Variants in PSTPIP1 observed in about 807,000 individuals in gnomAD.
The protein encoded by PSTPIP1 is proline-serine-threonine phosphatase-interacting protein 1.
PSTPIP1 carries 66 observed loss-of-function variants against 69.6 expected under a neutral mutation model. The observed-to-expected ratio is 0.95, with a 90% confidence interval of 0.78 to 1.16. The LOEUF (loss-of-function observed/expected upper bound fraction) is 1.16, where lower values mean the gene tolerates loss of function less well. Among genes scored for constraint, PSTPIP1 ranks in the 50% most tolerant of loss-of-function variants. The pLI is 0.00. For missense variants in PSTPIP1, 603 were observed against 557.4 expected (o/e 1.08, Z -0.82); for synonymous variants, 266 against 222.7 (o/e 1.19, Z -1.73).
intron 1 of PSTPIP1, among the ~76,000 whole-genome samples, chr15:77,017,273 C>G (rs1042078541): frequency 1.3e-5 from 2 of 152,190 alleles, no homozygotes; most frequent in African/African-American, 4.8e-5. Context: ...CCCAACTTCT[C>G]ACACCCAGCT....
chr15:77,036,158 C>T (rs916256036), intron 14 of PSTPIP1, among the ~76,000 whole-genome samples: 11 of 152,202 alleles, frequency 7.2e-5, no homozygotes, highest in South Asian at 2.1e-4. Flanking sequence ...CCAGGGCTTG[C>T]GGGGCCTCAG....
At position 77,004,540 on chromosome 15, in the gene PSTPIP1, G is replaced by A. The variant is rs151331842; in HGVS notation, c.36+8931G>A. Among the ~76,000 whole-genome samples the A allele has an allele frequency of 2.9e-3, 437 of 152,246 alleles. 1 individual carries two copies. The highest frequency in any genetic ancestry group is 3.7e-3 in the Non-Finnish European group (254 of 68,008). On this transcript the variant is annotated intron_variant, in intron 1 of 14. Coordinates refer to ENST00000558012, the MANE Select transcript of PSTPIP1 (RefSeq NM_003978.5). Reference sequence around the variant, plus strand: ...CTAGAGAGAGTGACCAAGGTGGAGAGTAGTTGGAGATAAGGTAAGAAATAG... The same window carrying A: ...CTAGAGAGAGTGACCAAGGTGGAGAATAGTTGGAGATAAGGTAAGAAATAG...
At chr15:77,008,207 G>A in intron 1 of PSTPIP1, 1 of 370,092 alleles carries the variant, frequency 2.7e-6, no homozygotes, top group Non-Finnish European at 5.5e-6. Context: ...GGGGTGTTTG[G>A]GGATATCTGT....
chr15:76,995,027 G>A, upstream of PSTPIP1: 1 of 1,190,288 alleles, frequency 8.4e-7, no homozygotes, highest in Non-Finnish European at 1.1e-6. Flanking sequence ...GCAGAGGCAG[G>A]AGCAGGATGG....
chr15:77,037,223 C>T lies in PSTPIP1; in HGVS notation c.*47C>T. The T allele has an allele frequency of 6.4e-7, 1 of 1,553,928 alleles. No individual in the cohort carries two copies. The highest frequency in any genetic ancestry group is 8.7e-7 in the Non-Finnish European group (1 of 1,150,708). ...GGACCTGCCCTGCCAGTGGAGCCAG[C>T]AGTGCCCCCAGCACTGTCCCCACCT... On this transcript the variant is annotated 3_prime_UTR_variant, in exon 15 of 15. Transcript: ENST00000558012.
intron 3 of PSTPIP1, among the ~76,000 whole-genome samples, chr15:77,019,042 C>T (rs762695285): frequency 1.3e-5 from 2 of 152,324 alleles, no homozygotes; most frequent in Non-Finnish European, 1.5e-5. Context: ...GGGAAAGTAA[C>T]GCAGCCCTCC....
chr15:77,032,410 C>G lies in PSTPIP1; in HGVS notation c.838+16C>G. 1.2e-6 allele frequency: 2 copies of G among 1,611,688 alleles called. No individual in the cohort carries two copies. Among genetic ancestry groups the G allele is most frequent in the South Asian group, 1.1e-5 (1 of 91,042 alleles). On this transcript the variant is annotated intron_variant, in intron 11 of 14. Coordinates refer to ENST00000558012, the MANE Select transcript of PSTPIP1 (RefSeq NM_003978.5). ...GAGCCCCCCGGTGAGGTCCGGCTTG[C>G]GGACAGCGCAGCCTCTAGGTGCATT...
upstream of PSTPIP1, chr15:76,994,759 C>T (rs1320372017): frequency 7.8e-7 from 1 of 1,289,022 alleles, no homozygotes; most frequent in Admixed American, 2.3e-5. Context: ...AGGGCAGGAC[C>T]TGGTTTGGGT....
At chr15:77,028,735 C>T in intron 7 of PSTPIP1, 83 bp downstream of exon 7, 5 of 1,160,300 alleles carry the variant, frequency 4.3e-6, no homozygotes, top group Non-Finnish European at 5.9e-6. Flanking sequence ...TAGACACCCC[C>T]AGGCAAGATC....
chr15:77,001,064 G>T (rs532755399), intron 1 of PSTPIP1, among the ~76,000 whole-genome samples: 11 of 152,254 alleles, frequency 7.2e-5, no homozygotes, highest in African/African-American at 2.2e-4. Context: ...GTTCATGGCT[G>T]CACAGTTCTC....
chr15:77,030,183 G>T (rs1249094507), intron 8 of PSTPIP1, among the ~76,000 whole-genome samples: 1 of 152,232 alleles, frequency 6.6e-6, no homozygotes, highest in African/African-American at 2.4e-5. Context: ...CCTCTCAGCT[G>T]CCTTCTCTGA....
At chr15:77,028,755 G>A in intron 7 of PSTPIP1, 103 bp downstream of exon 7, 1 of 1,033,350 alleles carries the variant, frequency 9.7e-7, no homozygotes, top group Non-Finnish European at 1.4e-6. Flanking sequence ...CTGCATCTGG[G>A]GATGCTGCTT....
Position 77,025,378 on chromosome 15 carries a change from T to TG in PSTPIP1, c.247+66dup. 2.5e-6 allele frequency: 4 copies of TG among 1,581,258 alleles called. No homozygotes were observed. In the South Asian group the frequency reaches 3.3e-5, roughly 13 times the overall value. ...GGGACTGCGAGGCTGGTGGAGGGTTTGGGGGGACAGAAGATGAGGTGTTGG... is the reference window on the plus strand; with the variant it reads ...GGGACTGCGAGGCTGGTGGAGGGTTTGGGGGGGACAGAAGATGAGGTGTTGG... On this transcript the variant is annotated intron_variant, in intron 4 of 14. Transcript: ENST00000558012.
At chr15:77,021,252 G>T (rs1335656434) in intron 3 of PSTPIP1, among the ~76,000 whole-genome samples, 1 of 152,210 alleles carries the variant, frequency 6.6e-6, no homozygotes, top group Non-Finnish European at 1.5e-5. Context: ...TTAACAGGAG[G>T]TTACATCTTA....
At chr15:77,019,320 C>T (rs904315413) in intron 3 of PSTPIP1, among the ~76,000 whole-genome samples, 24 of 152,208 alleles carry the variant, frequency 1.6e-4, no homozygotes, top group African/African-American at 5.5e-4. Context: ...CACCGGCCTC[C>T]AACTTCTTGA....
chr15:76,998,350 G>A (rs976578192), intron 1 of PSTPIP1, among the ~76,000 whole-genome samples: 1 of 152,162 alleles, frequency 6.6e-6, no homozygotes, highest in African/African-American at 2.4e-5. Flanking sequence ...CAGCCCTGCT[G>A]TTTCTGGCTT....
intron 12 of PSTPIP1, among the ~76,000 whole-genome samples, chr15:77,034,981 G>A (rs1274738747): frequency 1.3e-5 from 2 of 152,274 alleles, no homozygotes; most frequent in Admixed American, 6.5e-5. Context: ...ATCACCGTGG[G>A]CCCACAGGGA....
intron 1 of PSTPIP1, among the ~76,000 whole-genome samples, chr15:76,997,899 C>A (rs2075615939): frequency 6.6e-6 from 1 of 150,404 alleles, no homozygotes; most frequent in Non-Finnish European, 1.5e-5. Context: ...CAGCCCAAGG[C>A]ACTGTCATTA....
Position 77,018,459 on chromosome 15 carries a change from C to T in PSTPIP1, c.140C>T (p.Ala47Val). Residue 47 changes from alanine to valine, a missense_variant and splice_region_variant, in exon 3 of 15, where the codon GCC (alanine) becomes GTC (valine). Coordinates refer to ENST00000558012, the MANE Select transcript of PSTPIP1 (RefSeq NM_003978.5). ...TTCAAATGCCCTTTTTTTTGCAGGGCCCAGGCGGAGGAGCGGTACGGGAAG... is the reference window on the plus strand; with the variant it reads ...TTCAAATGCCCTTTTTTTTGCAGGGTCCAGGCGGAGGAGCGGTACGGGAAG... Reference protein sequence around the residue: ...KDMEELLRQRAQAEERYGKEL... With the variant: ...KDMEELLRQRVQAEERYGKEL... 2 of 1,577,794 alleles carry T rather than the reference C, an allele frequency of 1.3e-6. No homozygotes were observed. Among genetic ancestry groups the T allele is most frequent in the Non-Finnish European group, 1.7e-6 (2 of 1,161,594 alleles).
Sources: gnomAD v4.1 joint callset for allele counts (sites outside exome capture counted in the v4.1 genomes callset) on GRCh38, gnomAD v4.1.1 for gene constraint, MANE v1.5 for transcripts, NCBI Gene and HGNC (gene_info 2026-07-23, HGNC 2026-07-21) for gene names.